The following CCSER1 variants were observed in gnomAD, a reference collection of about 807,000 sequenced individuals.
The protein encoded by CCSER1 is coiled-coil serine rich protein 1, also known as serine-rich coiled-coil domain-containing protein 1.
A neutral mutation model predicts 82.0 loss-of-function variants in CCSER1; 41 were observed. The observed-to-expected ratio is 0.50, with a 90% CI of 0.39 to 0.65. The LOEUF (loss-of-function observed/expected upper bound fraction) is 0.65. CCSER1 is among the 30% of genes least tolerant of loss of function. CCSER1 has a pLI of 0.00. For missense variants in CCSER1, 1,119 were observed against 1,064.2 expected (o/e 1.05, Z -0.72); for synonymous variants, 414 against 383.9 (o/e 1.08, Z -0.92).
At chr4:91,213,245 G>A (rs2149087918) in intron 10 of CCSER1, among the ~76,000 whole-genome samples, 1 of 151,806 alleles carries the variant, frequency 6.6e-6, no homozygotes, top group African/African-American at 2.4e-5. Flanking sequence ...ATGGATGTTT[G>A]TACATTTATT....
At chr4:90,873,673 T>G (rs1766843292) in intron 8 of CCSER1, among the ~76,000 whole-genome samples, 1 of 152,130 alleles carries the variant, frequency 6.6e-6, no homozygotes. Context: ...TCTTAAGTGT[T>G]AAGAGTGTCT....
intron 1 of CCSER1, among the ~76,000 whole-genome samples, chr4:90,161,394 A>C (rs1297009388): frequency 6.6e-6 from 1 of 152,158 alleles, no homozygotes; most frequent in Admixed American, 6.6e-5. Context: ...ATTTTTATGC[A>C]CATGTTGCAG....
At chr4:90,986,079 T>C (rs1736555388) in intron 9 of CCSER1, among the ~76,000 whole-genome samples, 1 of 151,756 alleles carries the variant, frequency 6.6e-6, no homozygotes, top group African/African-American at 2.4e-5. Flanking sequence ...ATAAAATGAA[T>C]TGATTAAACA....
intron 3 of CCSER1, among the ~76,000 whole-genome samples, chr4:90,397,963 T>C (rs978207766): frequency 2.0e-5 from 3 of 152,228 alleles, no homozygotes; most frequent in East Asian, 1.9e-4. Context: ...TTGCCAGGGC[T>C]GCCATAACAA....
intron 3 of CCSER1, among the ~76,000 whole-genome samples, chr4:90,382,965 A>G (rs923444550): frequency 6.6e-6 from 1 of 152,188 alleles, no homozygotes; most frequent in Non-Finnish European, 1.5e-5. Context: ...ATAGTTATTG[A>G]CTGAATTAAT....
At chr4:91,409,285 C>A (rs1194024294) in intron 10 of CCSER1, among the ~76,000 whole-genome samples, 1 of 152,000 alleles carries the variant, frequency 6.6e-6, no homozygotes, top group East Asian at 1.9e-4. Context: ...ACTTAATATG[C>A]CCTTATATTG....
At chr4:90,870,706 A>G (rs1766362223) in intron 8 of CCSER1, among the ~76,000 whole-genome samples, 1 of 151,564 alleles carries the variant, frequency 6.6e-6, no homozygotes, top group African/African-American at 2.4e-5. Context: ...CACTGAATGC[A>G]TGTAGAAGTA....
intron 10 of CCSER1, among the ~76,000 whole-genome samples, chr4:91,411,025 T>C (rs1477092167): frequency 6.6e-6 from 1 of 152,066 alleles, no homozygotes; most frequent in Non-Finnish European, 1.5e-5. Context: ...TAATAATCTG[T>C]TGTTAGATTG....
chr4:90,350,180 G>A (rs17016857), intron 3 of CCSER1, among the ~76,000 whole-genome samples: 2,462 of 152,178 alleles, frequency 0.016, 68 homozygotes, highest in African/African-American at 0.056. Context: ...ATTCTGCAAG[G>A]TAGAGGGACT....
intron 7 of CCSER1, among the ~76,000 whole-genome samples, chr4:90,766,775 C>T (rs1477055665): frequency 6.6e-6 from 1 of 152,082 alleles, no homozygotes; most frequent in Non-Finnish European, 1.5e-5. Flanking sequence ...TATATTCACA[C>T]ATTTTGGCAA....
intron 10 of CCSER1, among the ~76,000 whole-genome samples, chr4:91,468,035 A>G (rs1757029493): frequency 6.6e-6 from 1 of 152,222 alleles, no homozygotes; most frequent in African/African-American, 2.4e-5. Context: ...TCATGCTGCT[A>G]TAAAGACACA....
chr4:90,637,990 G>A (rs919055770), intron 6 of CCSER1, among the ~76,000 whole-genome samples: 2 of 151,956 alleles, frequency 1.3e-5, no homozygotes, highest in Non-Finnish European at 2.9e-5. Context: ...AACCTTATTC[G>A]GGAATCACTT....
intron 8 of CCSER1, among the ~76,000 whole-genome samples, chr4:90,847,795 TG>T (rs1763394768): frequency 6.6e-6 from 1 of 152,214 alleles, no homozygotes; most frequent in African/African-American, 2.4e-5. Flanking sequence ...AATAATTTTT[TG>T]TTGTTGCTTT....
chr4:90,738,191 G>A (rs1745968853), intron 7 of CCSER1, among the ~76,000 whole-genome samples: 1 of 152,130 alleles, frequency 6.6e-6, no homozygotes, highest in South Asian at 2.1e-4. Flanking sequence ...GGGTATTGAA[G>A]AGTTAGGTAT....
chr4:90,842,224 A>C (rs1762660165), intron 8 of CCSER1, among the ~76,000 whole-genome samples: 1 of 152,214 alleles, frequency 6.6e-6, no homozygotes, highest in Non-Finnish European at 1.5e-5. Context: ...TCTGTCTTTT[A>C]AAATGACAAT....
intron 5 of CCSER1, among the ~76,000 whole-genome samples, chr4:90,571,760 C>G (rs1780142463): frequency 6.6e-6 from 1 of 151,942 alleles, no homozygotes; most frequent in Admixed American, 6.5e-5. Context: ...AAATAAATAA[C>G]ACAAAAAATG....
rs1156537250 is a variant in CCSER1 at position 91,440,005 on chromosome 4, C to T, written c.2218-158567C>T. Among the ~76,000 whole-genome samples, 25 of 151,640 alleles carry T rather than the reference C, an allele frequency of 1.6e-4. No homozygotes were observed. The South Asian group carries it at 4.2e-3, about 25-fold the overall frequency. ...CTACAGAGAGACTTAGACTCCCACGCAATAATAATGGGAGATTTTAACACC... is the reference window on the plus strand; with the variant it reads ...CTACAGAGAGACTTAGACTCCCACGTAATAATAATGGGAGATTTTAACACC... On this transcript the variant is annotated intron_variant, in intron 10 of 10. Coordinates refer to ENST00000509176, the MANE Select transcript of CCSER1 (RefSeq NM_001145065.2).
chr4:90,712,394 T>C (rs2149330500), intron 6 of CCSER1, among the ~76,000 whole-genome samples: 1 of 152,236 alleles, frequency 6.6e-6, no homozygotes, highest in African/African-American at 2.4e-5. Context: ...CTTAATTTTA[T>C]TATTTACCCG....
rs774149323 is a variant in CCSER1, at chr4:90,308,310, C to G, written c.26C>G (p.Ser9Cys). The change falls in exon 2 of 11, where the codon TCT (serine) becomes TGT (cysteine). Residue 9 changes from serine to cysteine, a missense_variant. Physicochemically the swap from Ser to Cys is moderately radical, Grantham distance 112. Transcript: ENST00000509176. MGDSGSRR[S>C]TLVSRLPIFR... ...ATGGGGGACTCAGGATCAAGACGAT[C>G]TACCCTGGTCTCCCGGTTGCCAATA... 6.3e-7 allele frequency: 1 copy of G among 1,593,660 alleles called. No individual in the cohort carries two copies. Among genetic ancestry groups the G allele is most frequent in the Non-Finnish European group, 8.6e-7 (1 of 1,169,546 alleles).
Sources: allele counts gnomAD v4.1 joint callset (sites outside exome capture counted in the v4.1 genomes callset), GRCh38; gene constraint gnomAD v4.1.1; transcripts MANE v1.5; gene names NCBI Gene and HGNC (gene_info 2026-07-23, HGNC 2026-07-21).